The following KDM3B variants were observed in gnomAD, a reference collection of about 807,000 sequenced individuals.
KDM3B encodes lysine-specific demethylase 3B.
In KDM3B, 10 loss-of-function variants were observed where a neutral mutation model predicts 170.0. The ratio of observed to expected loss-of-function variants is 0.06; its 90% CI spans 0.04 to 0.10. KDM3B has a LOEUF of 0.10. Among genes scored for constraint, KDM3B ranks in the 10% least tolerant of loss-of-function variants. KDM3B has a pLI of 1.00. For synonymous variants in KDM3B, 831 were observed against 834.8 expected, an observed-to-expected ratio of 1.00 and a Z score of 0.08; for missense variants, 1,394 against 2,195.2, an observed-to-expected ratio of 0.64 and a Z score of 7.29.
At chr5:138,418,179 A>G (rs1004892096) in intron 13 of KDM3B, among the ~76,000 whole-genome samples, 1 of 147,856 alleles carries the variant, frequency 6.8e-6, no homozygotes, top group Non-Finnish European at 1.5e-5. Context: ...TCCCAGGTTC[A>G]AGTGATTCTC....
At position 138,391,550 on chromosome 5, in the gene KDM3B, T is replaced by C; in HGVS notation, c.1918T>C (p.Phe640Leu). ...REEPSNPFLA[F>L]VEKVEHSPFS... ...AGAGCCTTCTAATCCTTTCCTGGCA[T>C]TTGTGGAGAAAGTTGAACACAGCCC... The change falls in exon 8 of 24, where the codon TTT (phenylalanine) becomes CTT (leucine). Residue 640 changes from phenylalanine (F) to leucine (L), a missense_variant. This residue lies in a region of KDM3B where 294 missense variants were observed against 311.7 expected (regional missense o/e 0.94). Coordinates refer to ENST00000314358, the MANE Select transcript of KDM3B (RefSeq NM_016604.4). This position sits in a 1 kb window ranked among gnomAD's most constrained non-coding sequence, Gnocchi z 5.0. 2 of 1,614,074 alleles carry C rather than the reference T, an allele frequency of 1.2e-6. No homozygotes were observed. The highest frequency in any genetic ancestry group is 1.7e-6 in the Non-Finnish European group (2 of 1,180,030).
intron 19 of KDM3B, 34 bp from the exon 20 acceptor site, chr5:138,427,933 C>A (rs747676756): frequency 6.2e-7 from 1 of 1,603,026 alleles, no homozygotes; most frequent in South Asian, 1.1e-5. Flanking sequence ...CAAATATTGG[C>A]CCTTCACCTT....
intron 1 of KDM3B, among the ~76,000 whole-genome samples, chr5:138,367,190 A>G (rs981012598): frequency 6.6e-6 from 1 of 152,184 alleles, no homozygotes; most frequent in Non-Finnish European, 1.5e-5. Flanking sequence ...TCGCACTGTA[A>G]TAATTTCTGT....
At chr5:138,376,021 G>T (rs1761990473) in intron 3 of KDM3B, among the ~76,000 whole-genome samples, 1 of 151,612 alleles carries the variant, frequency 6.6e-6, no homozygotes, top group Non-Finnish European at 1.5e-5. Flanking sequence ...AAGCCACCTT[G>T]GCTGGCGTGC....
intron 1 of KDM3B, among the ~76,000 whole-genome samples, chr5:138,365,856 G>A (rs1441337014): frequency 4.6e-5 from 7 of 151,782 alleles, no homozygotes; most frequent in Non-Finnish European, 5.9e-5. Flanking sequence ...AAAATTAGCC[G>A]GGCGTGGTGG....
In KDM3B at chr5:138,391,612, C is replaced by A; in HGVS notation, c.1980C>A (p.Ser660=). 1 of 1,614,128 alleles carries A rather than the reference C, an allele frequency of 6.2e-7. No homozygotes were observed. The highest frequency in any genetic ancestry group is 1.1e-5 in the South Asian group (1 of 91,078). The change falls in exon 8 of 24, where the codon TCC becomes TCA. Residue 660 remains serine, a synonymous_variant. Transcript: ENST00000314358. This position sits in a 1 kb window ranked among gnomAD's most constrained non-coding sequence, Gnocchi z 5.0. ...TTGCATCTCAGGCATCAGGTAGCTC[C>A]TCTTCTGCTACCACTGTCACCTCCA... ...SSFASQASGS[S]SSATTVTSKV...
intron 1 of KDM3B, among the ~76,000 whole-genome samples, chr5:138,372,213 A>G (rs1487927545): frequency 6.6e-6 from 1 of 152,238 alleles, no homozygotes; most frequent in East Asian, 1.9e-4. Flanking sequence ...TACATCACCT[A>G]TTCAAAAAAT....
At chr5:138,410,991 C>T (rs898844718) in intron 11 of KDM3B, among the ~76,000 whole-genome samples, 15 of 151,904 alleles carry the variant, frequency 9.9e-5, no homozygotes, top group East Asian at 1.9e-4. Context: ...GTTAGGCCTC[C>T]GGATAACTGC....
At chr5:138,386,691 A>G in intron 7 of KDM3B, 70 bp downstream of exon 7, 1 of 1,536,812 alleles carries the variant, frequency 6.5e-7, no homozygotes, top group Non-Finnish European at 8.8e-7. Context: ...TGCTAACATT[A>G]AAAAACATTC....
chr5:138,406,897 A>T (rs1417451772), intron 11 of KDM3B, among the ~76,000 whole-genome samples: 5 of 148,924 alleles, frequency 3.4e-5, no homozygotes, highest in Non-Finnish European at 6.0e-5. Context: ...CTTTAATAAT[A>T]AAAAAAAAGA....
rs111379967 is a variant in KDM3B, at chr5:138,368,235, C to CT, written c.193-4425dup. On this transcript the variant is annotated intron_variant, in intron 1 of 23. Coordinates refer to ENST00000314358, the MANE Select transcript of KDM3B (RefSeq NM_016604.4). ...TTGTTCTTCTTCTTTTTCTTTCTTT[C>CT]TTTTTTTTTTTTTTGGAGACAGGGT... Among the ~76,000 whole-genome samples, 607 of 139,960 alleles carry CT rather than the reference C, an allele frequency of 4.3e-3. 4 individuals carry two copies. The highest frequency in any genetic ancestry group is 0.016 in the East Asian group (76 of 4,768). 91.8% of individuals were successfully genotyped at this position (139,960 alleles called of 152,430 possible).
intron 11 of KDM3B, among the ~76,000 whole-genome samples, chr5:138,412,803 G>T (rs1349204451): frequency 6.6e-6 from 1 of 152,084 alleles, no homozygotes; most frequent in African/African-American, 2.4e-5. Context: ...TGTTATTGTT[G>T]TTCTGTTTTG....
rs536051607 is a variant in KDM3B, at chr5:138,417,756, A to G, written c.3435+146A>G. ...AGAAGCCTTTCTAGAGAGAGCTTAA[A>G]TAACTTTACTCAAAGGATTTTAATT... is the stretch of plus-strand genomic sequence containing the variant. On this transcript the variant is annotated intron_variant, in intron 13 of 23. Coordinates refer to ENST00000314358, the MANE Select transcript of KDM3B (RefSeq NM_016604.4). 3.4e-5 allele frequency: 26 copies of G among 769,976 alleles called. No homozygotes were observed. The African/African-American group carries it at 4.2e-4, about 12-fold the overall frequency. The allele number at this position is 769,976 out of a possible 1,614,324, so 47.7% of individuals were successfully genotyped here.
At chr5:138,373,026 T>C (rs1487639133) in intron 2 of KDM3B, among the ~76,000 whole-genome samples, 185 bp downstream of exon 2, 1 of 152,132 alleles carries the variant, frequency 6.6e-6, no homozygotes, top group Non-Finnish European at 1.5e-5. Flanking sequence ...TGTTTTATAT[T>C]AGGTGATATT....
intron 1 of KDM3B, among the ~76,000 whole-genome samples, chr5:138,363,075 CTG>C (rs918263929): frequency 6.6e-6 from 1 of 151,624 alleles, no homozygotes; most frequent in African/African-American, 2.4e-5. Flanking sequence ...AAACTGCTGA[CTG>C]TTTATTTCAA....
intron 4 of KDM3B, 31 bp from the exon 5 acceptor site, chr5:138,379,553 A>G: frequency 6.4e-7 from 1 of 1,569,588 alleles, no homozygotes. Context: ...CTTAGCCAAA[A>G]ATACTCAATA....
In KDM3B at chr5:138,419,886, T is replaced by G. The variant is rs189506364; in HGVS notation, c.3715+654T>G. On this transcript the variant is annotated intron_variant, in intron 14 of 23. Coordinates refer to ENST00000314358, the MANE Select transcript of KDM3B (RefSeq NM_016604.4). ...ATTTATACAAGGGGTTTTTTTTGTT[T>G]GTTTGTTTTGAGACGGAGTTTTGCT... 1.5e-3 allele frequency among the ~76,000 whole-genome samples: 234 copies of G among 151,646 alleles called. 5 individuals carry two copies. In the East Asian group the frequency reaches 0.034, roughly 22 times the overall value.
At chr5:138,360,737 G>A (rs1761586881) in intron 1 of KDM3B, among the ~76,000 whole-genome samples, 1 of 151,880 alleles carries the variant, frequency 6.6e-6, no homozygotes, top group South Asian at 2.1e-4. Flanking sequence ...GATTACAGGT[G>A]CCTGCCACCA....
rs544000215 is a variant in KDM3B, at chr5:138,383,536, T to A, written c.780+1946T>A. Among the ~76,000 whole-genome samples the A allele has an allele frequency of 7.6e-4, 116 of 152,330 alleles. 1 individual carries two copies. The South Asian group carries it at 0.023, about 30-fold the overall frequency. On this transcript the variant is annotated intron_variant, in intron 6 of 23. Coordinates refer to ENST00000314358, the MANE Select transcript of KDM3B (RefSeq NM_016604.4). ...GCTAGCAGAGTCCAATTATTTTTTA[T>A]AGTTCTGCCAAGTTTTATAGTAACC...
Sources: allele counts gnomAD v4.1 joint callset (sites outside exome capture counted in the v4.1 genomes callset), GRCh38; gene constraint gnomAD v4.1.1; regional missense constraint gnomAD v4.1.1; non-coding constraint Gnocchi (gnomAD v3.1); transcripts MANE v1.5; gene names NCBI Gene and HGNC (gene_info 2026-07-23, HGNC 2026-07-21).